YBX1: variants seen among roughly 807,000 people sequenced by gnomAD.
YBX1 encodes Y-box binding protein 1, also known as Y-box-binding protein 1.
YBX1 carries 3 observed loss-of-function variants against 41.4 expected under a neutral mutation model. The ratio of observed to expected loss-of-function variants is 0.07; its 90% CI spans 0.03 to 0.19. The LOEUF (loss-of-function observed/expected upper bound fraction) is 0.19. Ranked by LOEUF, YBX1 falls within the 10% of genes least tolerant of loss-of-function variation. The pLI is 1.00. For synonymous variants in YBX1, 133 were observed against 165.8 expected (o/e 0.80, Z 1.52); for missense variants, 274 against 462.8 (o/e 0.59, Z 3.74).
At chr1:42,690,751 C>T (rs937037420) in intron 2 of YBX1, among the ~76,000 whole-genome samples, 1 of 152,196 alleles carries the variant, frequency 6.6e-6, no homozygotes, top group African/African-American at 2.4e-5. Context: ...CCCTAACTAC[C>T]CTGTGCCATT....
Position 42,683,238 on chromosome 1 carries a change from G to A in YBX1, c.167-165G>A, listed in dbSNP as rs752196092. The A allele has an allele frequency of 6.6e-6, 5 of 762,480 alleles. No individual in the cohort carries two copies. In the Admixed American group the frequency reaches 1.0e-4, roughly 16 times the overall value. 47.2% of individuals were successfully genotyped at this position (762,480 alleles called of 1,614,324 possible). On this transcript the variant is annotated intron_variant, in intron 1 of 7. Coordinates refer to ENST00000321358, the MANE Select transcript of YBX1 (RefSeq NM_004559.5). ...CCGCGCTTCAGACTCACCCACGTGT[G>A]CGGCGGCGGCGGCGACTGCGTGGCC...
intron 6 of YBX1, among the ~76,000 whole-genome samples, chr1:42,699,620 T>TG (rs111979023): frequency 0.3 from 44,886 of 149,542 alleles, 6,787 homozygotes; most frequent in Non-Finnish European, 0.32. Flanking sequence ...TGAGGGTTGT[T>TG]TTTTTTTTTT....
Position 42,703,473 on chromosome 1 carries a change from C to A in YBX1, c.*1524C>A, listed in dbSNP as rs1484150587. 2.0e-5 allele frequency among the ~76,000 whole-genome samples: 3 copies of A among 151,810 alleles called. No homozygotes were observed. Among genetic ancestry groups the A allele is most frequent in the Non-Finnish European group, 2.9e-5 (2 of 67,920 alleles). On this transcript the variant is annotated 3_prime_UTR_variant, in exon 8 of 8. Coordinates refer to ENST00000321358, the MANE Select transcript of YBX1 (RefSeq NM_004559.5). ...GCAGAGGACTTGATAAGAGACTACT[C>A]AAAAAAAATTTTTTTAACCCTACTT...
Position 42,696,625 on chromosome 1 carries a change from T to A in YBX1, c.355-17T>A. The A allele has an allele frequency of 6.7e-7, 1 of 1,498,806 alleles. No individual in the cohort carries two copies. Among genetic ancestry groups the A allele is most frequent in the South Asian group, 1.4e-5 (1 of 72,190 alleles). 92.8% of individuals were successfully genotyped at this position (1,498,806 alleles called of 1,614,324 possible). On this transcript the variant is annotated splice_polypyrimidine_tract_variant and intron_variant, in intron 4 of 7. Coordinates refer to ENST00000321358, the MANE Select transcript of YBX1 (RefSeq NM_004559.5). The surrounding 1 kb of genome is among the most constrained non-coding windows in gnomAD (Gnocchi z 5.7). ...CTGATTTCCTTTGTCACTATCAATA[T>A]GTAATGGCTTTTGTAGGGTGCGGAG...
chr1:42,700,225 T>C (rs1650560293), intron 6 of YBX1, among the ~76,000 whole-genome samples: 1 of 152,240 alleles, frequency 6.6e-6, no homozygotes, highest in South Asian at 2.1e-4. Context: ...CCTGGGGCTT[T>C]CTGGAGTGCT....
At chr1:42,682,829 G>C in intron 1 of YBX1, 98 bp downstream of exon 1, 1 of 755,706 alleles carries the variant, frequency 1.3e-6, no homozygotes, top group Non-Finnish European at 1.8e-6. Flanking sequence ...CGGCCGGTGG[G>C]CACCGACTCC....
At chr1:42,683,125 G>A (rs1650092210) in intron 1 of YBX1, 2 of 609,314 alleles carry the variant, frequency 3.3e-6, no homozygotes, top group Non-Finnish European at 6.0e-6. Context: ...AGGCCGGAGC[G>A]GCTTCCCCTT....
At chr1:42,683,034 G>T in intron 1 of YBX1, 2 of 392,290 alleles carry the variant, frequency 5.1e-6, no homozygotes, top group South Asian at 1.8e-5. Context: ...TCGTGCGCTC[G>T]GGCCCGCACG....
chr1:42,685,817 G>A (rs1370638966), intron 2 of YBX1, among the ~76,000 whole-genome samples: 2 of 152,150 alleles, frequency 1.3e-5, no homozygotes, highest in Non-Finnish European at 2.9e-5. Context: ...GTTTATTCCA[G>A]CCTGAATTAC....
intron 2 of YBX1, among the ~76,000 whole-genome samples, chr1:42,684,048 G>T (rs1307299261): frequency 6.6e-6 from 1 of 152,208 alleles, no homozygotes; most frequent in Non-Finnish European, 1.5e-5. Context: ...ATATTTACAA[G>T]AAAGTGGTTT....
At chr1:42,691,531 G>T (rs1650326720) in intron 2 of YBX1, among the ~76,000 whole-genome samples, 1 of 151,932 alleles carries the variant, frequency 6.6e-6, no homozygotes, top group Non-Finnish European at 1.5e-5. Context: ...TATTTTTATT[G>T]CCGGGTATGA....
At chr1:42,688,449 A>C (rs1249887624) in intron 2 of YBX1, among the ~76,000 whole-genome samples, 3 of 75,196 alleles carry the variant, frequency 4.0e-5, no homozygotes, top group African/African-American at 1.4e-4. Flanking sequence ...GTAAACAAAC[A>C]TAAAGATTCA....
intron 6 of YBX1, among the ~76,000 whole-genome samples, 186 bp from the exon 7 acceptor site, chr1:42,700,595 C>G (rs1292515511): frequency 7.9e-6 from 1 of 126,980 alleles, no homozygotes; most frequent in Non-Finnish European, 1.7e-5. Context: ...CAAGACTCTT[C>G]CCCCTACTCA....
chr1:42,694,018 G>A (rs573840920), intron 3 of YBX1, among the ~76,000 whole-genome samples: 1 of 151,508 alleles, frequency 6.6e-6, no homozygotes, highest in East Asian at 1.9e-4. Flanking sequence ...AAATCACTTT[G>A]AATGGGTATT....
Position 42,682,449 on chromosome 1 carries a change from G to C in YBX1, c.-117G>C. ...GCTAGTTCGATCGGTAGCGGGAGCG[G>C]AGAGCGGACCCCAGAGAGCCCTGAG... On this transcript the variant is annotated 5_prime_UTR_variant, in exon 1 of 8. Coordinates refer to ENST00000321358, the MANE Select transcript of YBX1 (RefSeq NM_004559.5). The C allele has an allele frequency of 8.3e-7, 1 of 1,199,466 alleles. No homozygotes were observed. Among genetic ancestry groups the C allele is most frequent in the Non-Finnish European group, 1.1e-6 (1 of 936,444 alleles). The allele number at this position is 1,199,466 out of a possible 1,614,324, so 74.3% of individuals were successfully genotyped here. A position where few individuals can be genotyped will look rare whatever the true frequency, so the allele number is the denominator to read the frequency against.
intron 3 of YBX1, among the ~76,000 whole-genome samples, chr1:42,695,552 CTT>C (rs887367086): frequency 6.6e-6 from 1 of 152,202 alleles, no homozygotes; most frequent in African/African-American, 2.4e-5. Context: ...CCTCCCTTCT[CTT>C]AACAGTCTGG....
intron 1 of YBX1, chr1:42,683,073 C>T (rs1282402589): frequency 2.0e-6 from 1 of 497,834 alleles, no homozygotes; most frequent in Non-Finnish European, 3.8e-6. Context: ...CCACCCAGCT[C>T]CCTTCCGCGT....
chr1:42,691,991 T>C (rs2148738339), intron 2 of YBX1, among the ~76,000 whole-genome samples: 1 of 152,258 alleles, frequency 6.6e-6, no homozygotes, highest in South Asian at 2.1e-4. Flanking sequence ...GCTGGGACTA[T>C]AGGCACACAC....
At position 42,696,528 on chromosome 1, in the gene YBX1, T is replaced by TTTTC; in HGVS notation, c.355-112_355-111insTCTT. On this transcript the variant is annotated intron_variant, in intron 4 of 7. Transcript: ENST00000321358. This position sits in a 1 kb window ranked among gnomAD's most constrained non-coding sequence, Gnocchi z 5.7. ...GCAGTTGCGCCCCCCCCCCCTTTTT[T>TTTTC]TTCCTTAACTTTGTTGTTTTTTGCT... The TTTTC allele has an allele frequency of 3.9e-6, 2 of 514,068 alleles. No individual in the cohort carries two copies. Among genetic ancestry groups the TTTTC allele is most frequent in the Non-Finnish European group, 6.2e-6 (2 of 320,692 alleles). 31.8% of individuals were successfully genotyped at this position (514,068 alleles called of 1,614,324 possible). A position where few individuals can be genotyped will look rare whatever the true frequency, so the allele number is the denominator to read the frequency against.
Sources: gnomAD v4.1 joint callset for allele counts (sites outside exome capture counted in the v4.1 genomes callset) on GRCh38, gnomAD v4.1.1 for gene constraint, Gnocchi (gnomAD v3.1) non-coding constraint, MANE v1.5 for transcripts, NCBI Gene and HGNC (gene_info 2026-07-23, HGNC 2026-07-21) for gene names.